Variants in KCNIP4 observed in about 807,000 individuals in gnomAD.
KCNIP4 encodes the protein Kv channel-interacting protein 4.
KCNIP4 carries 12 observed loss-of-function variants against 34.0 expected under a neutral mutation model. That is an observed-to-expected ratio of 0.35 (90% CI 0.23 to 0.57). The LOEUF is 0.57. KCNIP4 is among the 20% of genes least tolerant of loss of function. The probability of loss-of-function intolerance (pLI) is 0.83; values close to 1 mark genes in which losing one functional copy is unlikely to be tolerated. For missense variants in KCNIP4, 238 were observed against 311.7 expected, an observed-to-expected ratio of 0.76 and a Z score of 1.78; for synonymous variants, 124 against 102.2, an observed-to-expected ratio of 1.21 and a Z score of -1.29.
intron 5 of KCNIP4, among the ~76,000 whole-genome samples, chr4:20,746,137 T>C (rs1308287443): frequency 6.6e-6 from 1 of 152,076 alleles, no homozygotes; most frequent in African/African-American, 2.4e-5. Flanking sequence ...CAAATGTCCA[T>C]CAATAATACA....
At chr4:21,229,613 G>A (rs1045103055) in intron 1 of KCNIP4, among the ~76,000 whole-genome samples, 2 of 152,176 alleles carry the variant, frequency 1.3e-5, no homozygotes, top group Non-Finnish European at 2.9e-5. Flanking sequence ...TTTGGCAAGT[G>A]CAAAGAGTGT....
intron 1 of KCNIP4, among the ~76,000 whole-genome samples, chr4:21,914,565 C>T (rs1460868054): frequency 6.6e-6 from 1 of 152,068 alleles, no homozygotes; most frequent in African/African-American, 2.4e-5. Flanking sequence ...GCTGGTTTAT[C>T]CCTTCTCTTC....
At chr4:21,102,410 G>C (rs1748030412) in intron 1 of KCNIP4, among the ~76,000 whole-genome samples, 1 of 152,172 alleles carries the variant, frequency 6.6e-6, no homozygotes, top group Admixed American at 6.5e-5. Flanking sequence ...AATTGTGGAA[G>C]AAAAGCAGAT....
At chr4:21,462,325 C>T (rs904751537) in intron 1 of KCNIP4, among the ~76,000 whole-genome samples, 1 of 152,106 alleles carries the variant, frequency 6.6e-6, no homozygotes, top group African/African-American at 2.4e-5. Flanking sequence ...ACAATCACTG[C>T]GGAAGGCAAG....
intron 1 of KCNIP4, among the ~76,000 whole-genome samples, chr4:21,889,464 G>A (rs1227323735): frequency 6.6e-6 from 1 of 152,016 alleles, no homozygotes; most frequent in Admixed American, 6.6e-5. Context: ...ATAGCTACCT[G>A]AAGGCATTGC....
intron 1 of KCNIP4, among the ~76,000 whole-genome samples, chr4:21,519,777 G>T (rs1354023346): frequency 7.4e-6 from 1 of 135,748 alleles, no homozygotes; most frequent in Non-Finnish European, 1.5e-5. Flanking sequence ...GTATACACAC[G>T]TGTGTGTATG....
At chr4:20,950,971 C>T (rs1446051617) in intron 1 of KCNIP4, among the ~76,000 whole-genome samples, 1 of 152,100 alleles carries the variant, frequency 6.6e-6, no homozygotes, top group Non-Finnish European at 1.5e-5. Flanking sequence ...TATATTGAAG[C>T]CCTAGCCCCC....
chr4:20,955,940 G>C (rs1420598048), intron 1 of KCNIP4, among the ~76,000 whole-genome samples: 1 of 152,154 alleles, frequency 6.6e-6, no homozygotes, highest in Non-Finnish European at 1.5e-5. Flanking sequence ...AAGGTAAATG[G>C]CAATTTACAT....
chr4:21,650,666 T>G (rs1346909165), intron 1 of KCNIP4, among the ~76,000 whole-genome samples: 18 of 152,198 alleles, frequency 1.2e-4, no homozygotes, highest in Non-Finnish European at 2.9e-5. Context: ...CATAAAATTT[T>G]ACCTAAAACT....
At position 21,323,237 on chromosome 4, in the gene KCNIP4, C is replaced by A. The variant is rs574555222; in HGVS notation, c.62-440528G>T. The stretch of plus-strand genomic sequence containing the variant: ...TAATAATCAAATGAGATATCTCTAA[C>A]CTCAAGCTTTTATCCTTTCTTTGTG... On this transcript the variant is annotated intron_variant, in intron 1 of 8. Coordinates refer to ENST00000382152, the MANE Select transcript of KCNIP4 (RefSeq NM_025221.6). 1.4e-3 allele frequency among the ~76,000 whole-genome samples: 215 copies of A among 150,620 alleles called. 1 individual carries two copies. Among genetic ancestry groups the A allele is most frequent in the African/African-American group, 5.1e-3 (208 of 40,900 alleles).
chr4:21,804,994 A>C (rs1295100149), intron 1 of KCNIP4, among the ~76,000 whole-genome samples: 1 of 152,188 alleles, frequency 6.6e-6, no homozygotes, highest in Non-Finnish European at 1.5e-5. Context: ...ACAAATTAAA[A>C]ATATTCCTTC....
At chr4:21,814,813 C>T (rs753319938) in intron 1 of KCNIP4, among the ~76,000 whole-genome samples, 127 of 152,294 alleles carry the variant, frequency 8.3e-4, no homozygotes, top group Middle Eastern at 3.4e-3. Flanking sequence ...ATGTGATGTG[C>T]TCCGTGGCTG....
chr4:20,995,200 G>A (rs1243157598), intron 1 of KCNIP4, among the ~76,000 whole-genome samples: 1 of 152,140 alleles, frequency 6.6e-6, no homozygotes, highest in Non-Finnish European at 1.5e-5. Flanking sequence ...CAGGCATTCT[G>A]GCTCCATGCC....
intron 1 of KCNIP4, among the ~76,000 whole-genome samples, chr4:21,672,663 G>A (rs543438079): frequency 6.6e-6 from 1 of 152,340 alleles, no homozygotes; most frequent in South Asian, 2.1e-4. Flanking sequence ...CTCAGGTGAC[G>A]ATTGGGATAA....
chr4:21,583,737 A>AGAT, intron 1 of KCNIP4, among the ~76,000 whole-genome samples: 1 of 152,044 alleles, frequency 6.6e-6, no homozygotes, highest in Non-Finnish European at 1.5e-5. Flanking sequence ...CAAGCAGGGA[A>AGAT]GATAAAGAAA....
chr4:21,153,103 A>C (rs1283477297), intron 1 of KCNIP4, among the ~76,000 whole-genome samples: 1 of 152,152 alleles, frequency 6.6e-6, no homozygotes, highest in Non-Finnish European at 1.5e-5. Flanking sequence ...AACTCCTTAA[A>C]CACATGGCAT....
At chr4:21,705,261 T>C (rs953588040) in intron 1 of KCNIP4, among the ~76,000 whole-genome samples, 3 of 152,110 alleles carry the variant, frequency 2.0e-5, no homozygotes, top group Admixed American at 1.3e-4. Context: ...ACACGGCAGA[T>C]CCTTGTGGTG....
intron 2 of KCNIP4, among the ~76,000 whole-genome samples, chr4:20,854,568 T>C (rs1358478000): frequency 2.0e-5 from 3 of 152,054 alleles, no homozygotes; most frequent in African/African-American, 7.2e-5. Context: ...TACATCAAAA[T>C]CTCACAAATC....
intron 1 of KCNIP4, among the ~76,000 whole-genome samples, chr4:21,780,481 G>A (rs779767476): frequency 2.0e-5 from 3 of 152,068 alleles, no homozygotes; most frequent in Non-Finnish European, 4.4e-5. Flanking sequence ...TTTTGGAGAG[G>A]GTGAAACTGA....
Sources: gnomAD v4.1 joint callset for allele counts (sites outside exome capture counted in the v4.1 genomes callset) on GRCh38, gnomAD v4.1.1 for gene constraint, MANE v1.5 for transcripts, NCBI Gene and HGNC (gene_info 2026-07-23, HGNC 2026-07-21) for gene names.